The following RBFOX3 variants were observed in gnomAD, a reference collection of about 807,000 sequenced individuals.
RBFOX3 encodes RNA binding fox-1 homolog 3.
In RBFOX3, 17 loss-of-function variants were observed where a neutral mutation model predicts 48.7. The ratio of observed to expected loss-of-function variants is 0.35; its 90% CI spans 0.24 to 0.52. The LOEUF (loss-of-function observed/expected upper bound fraction) is 0.52. Among genes scored for constraint, RBFOX3 ranks in the 20% least tolerant of loss-of-function variants. The probability of loss-of-function intolerance (pLI) is 0.94; values close to 1 mark genes in which losing one functional copy is unlikely to be tolerated. For synonymous variants in RBFOX3, 212 were observed against 209.5 expected (o/e 1.01, Z -0.10); for missense variants, 382 against 497.5 (o/e 0.77, Z 2.21).
In RBFOX3 at chr17:79,576,885, A is replaced by G. The variant is rs969960092; in HGVS notation, c.-320+33941T>C. On this transcript the variant is annotated intron_variant, in intron 1 of 14. Coordinates refer to ENST00000693108, the MANE Select transcript of RBFOX3 (RefSeq NM_001350451.2). ...AACCCTGACTGATACAGGTGCCCAC[A>G]GCTCTGGTCCCAGACACTTGTAGTC... Among the ~76,000 whole-genome samples the G allele has an allele frequency of 9.8e-4, 150 of 152,312 alleles. 1 individual carries two copies. Among genetic ancestry groups the G allele is most frequent in the Non-Finnish European group, 1.7e-3 (117 of 68,016 alleles).
rs79699507 is a variant in RBFOX3 at position 79,258,643 on chromosome 17, G to A, written c.-73-22838C>T. On this transcript the variant is annotated intron_variant, in intron 3 of 14. Coordinates refer to ENST00000693108, the MANE Select transcript of RBFOX3 (RefSeq NM_001350451.2). Reference sequence around the variant, plus strand: ...GCCAAGGGAGGGTGGGACAGGGAACGTGGCGAAGTTCTTCTCAGGTGCACC... The same window carrying A: ...GCCAAGGGAGGGTGGGACAGGGAACATGGCGAAGTTCTTCTCAGGTGCACC... 8.5e-3 allele frequency among the ~76,000 whole-genome samples: 1,290 copies of A among 152,302 alleles called. 14 individuals carry two copies. The highest frequency in any genetic ancestry group is 0.029 in the African/African-American group (1,218 of 41,550).
intron 2 of RBFOX3, among the ~76,000 whole-genome samples, chr17:79,312,403 C>A (rs2076979915): frequency 6.6e-6 from 1 of 151,996 alleles, no homozygotes; most frequent in Non-Finnish European, 1.5e-5. Context: ...GGGCTGTGGT[C>A]TGAGCACTTT....
intron 1 of RBFOX3, among the ~76,000 whole-genome samples, chr17:79,531,605 G>A (rs1191902630): frequency 6.6e-6 from 1 of 152,146 alleles, no homozygotes; most frequent in Admixed American, 6.5e-5. Context: ...AAGTAAAAAG[G>A]TGATGGGCCC....
the RBFOX3 span, among the ~76,000 whole-genome samples, chr17:79,623,520 G>A: frequency 6.6e-6 from 1 of 152,126 alleles, no homozygotes; most frequent in Non-Finnish European, 1.5e-5. Context: ...GTCCTTAAAA[G>A]TGGAAGAGGA....
chr17:79,537,834 C>T (rs2089071882), intron 1 of RBFOX3, among the ~76,000 whole-genome samples: 1 of 152,170 alleles, frequency 6.6e-6, no homozygotes, highest in Non-Finnish European at 1.5e-5. Flanking sequence ...GTCACTGTCT[C>T]TCCTACACCA....
At chr17:79,500,597 G>T (rs959484527) in intron 1 of RBFOX3, among the ~76,000 whole-genome samples, 1 of 152,130 alleles carries the variant, frequency 6.6e-6, no homozygotes, top group African/African-American at 2.4e-5. Flanking sequence ...ATAGTTTGTC[G>T]TGCAGTAATA....
In RBFOX3 at chr17:79,097,181, C is replaced by A. The variant is rs7214424; in HGVS notation, c.755+111G>T. The A allele has an allele frequency of 3.3e-4, 301 of 922,040 alleles. 1 individual carries two copies. The highest frequency in any genetic ancestry group is 1.0e-3 in the Middle Eastern group (3 of 2,902). The allele number at this position is 922,040 out of a possible 1,614,324, so 57.1% of individuals were successfully genotyped here. On this transcript the variant is annotated intron_variant, in intron 11 of 14. Coordinates refer to ENST00000693108, the MANE Select transcript of RBFOX3 (RefSeq NM_001350451.2). ...TGGGGCTCCCACGATCCTCCCCCCC[C>A]CCAGGTCTGGAAAGGCTGCCTAGCC...
the RBFOX3 span, among the ~76,000 whole-genome samples, chr17:79,630,863 AG>A: frequency 6.6e-6 from 1 of 152,140 alleles, no homozygotes; most frequent in African/African-American, 2.4e-5. Flanking sequence ...TGAGAGTCTA[AG>A]TGACCCAGAC....
chr17:79,469,153 C>T (rs936238951), intron 2 of RBFOX3, among the ~76,000 whole-genome samples: 1 of 152,092 alleles, frequency 6.6e-6, no homozygotes, highest in Non-Finnish European at 1.5e-5. Flanking sequence ...GAAAAAACCC[C>T]TATATTTTCC....
In RBFOX3 at chr17:79,356,348, G is replaced by GTGTTTTTTTTTTTTT; in HGVS notation, c.-174-48525_-174-48524insAAAAAAAAAAAAACA. Among the ~76,000 whole-genome samples the GTGTTTTTTTTTTTTT allele has an allele frequency of 4.2e-5, 2 of 47,330 alleles. 1 individual carries two copies. Among genetic ancestry groups the GTGTTTTTTTTTTTTT allele is most frequent in the Admixed American group, 5.5e-4 (2 of 3,606 alleles). The allele number at this position is 47,330 out of a possible 152,430, so 31.1% of individuals were successfully genotyped here. A position where few individuals can be genotyped will look rare whatever the true frequency, so the allele number is the denominator to read the frequency against. On this transcript the variant is annotated intron_variant, in intron 2 of 14. Transcript: ENST00000693108. ...ACTTTTTCACTTTTAAAACAGGGAA[G>GTGTTTTTTTTTTTTT]TTTTTTTTTTTTTTTTTTTTTTTTT...
At chr17:79,660,122 G>T in the RBFOX3 span, among the ~76,000 whole-genome samples, 2,860 of 152,254 alleles carry the variant, frequency 0.019, 96 homozygotes, top group African/African-American at 0.065. Context: ...GGAAGGCAGA[G>T]GTTGCAGTAA....
chr17:79,368,585 T>C (rs1355027139), intron 2 of RBFOX3, among the ~76,000 whole-genome samples: 2 of 152,282 alleles, frequency 1.3e-5, no homozygotes, highest in East Asian at 3.9e-4. Flanking sequence ...GGTGACCTCA[T>C]GTTGCCATGA....
intron 1 of RBFOX3, among the ~76,000 whole-genome samples, chr17:79,522,667 C>T (rs1477402807): frequency 6.6e-6 from 1 of 151,980 alleles, no homozygotes; most frequent in Admixed American, 6.6e-5. Flanking sequence ...TGGTGGCTCA[C>T]GCCTGTAAAC....
At chr17:79,532,192 G>A (rs75304578) in intron 1 of RBFOX3, among the ~76,000 whole-genome samples, 16,440 of 150,662 alleles carry the variant, frequency 0.11, 1,394 homozygotes, top group African/African-American at 0.24. Context: ...GTGAATAACT[G>A]CACTGGAGGG....
At chr17:79,501,492 G>A (rs974417664) in intron 1 of RBFOX3, among the ~76,000 whole-genome samples, 7 of 152,138 alleles carry the variant, frequency 4.6e-5, no homozygotes, top group East Asian at 1.9e-4. Context: ...TTTTGTTCCC[G>A]AGTCCCACCC....
At chr17:79,633,232 C>T in the RBFOX3 span, among the ~76,000 whole-genome samples, 2 of 152,258 alleles carry the variant, frequency 1.3e-5, no homozygotes, top group African/African-American at 4.8e-5. Flanking sequence ...TAAGACTCAG[C>T]CACCTGGGGC....
chr17:79,470,654 G>A (rs1244332938), intron 2 of RBFOX3, among the ~76,000 whole-genome samples: 1 of 151,694 alleles, frequency 6.6e-6, no homozygotes, highest in Non-Finnish European at 1.5e-5. Context: ...CACAGCCCAC[G>A]CATGTGCCTC....
intron 2 of RBFOX3, among the ~76,000 whole-genome samples, chr17:79,387,306 AC>A (rs2060687252): frequency 6.6e-6 from 1 of 152,214 alleles, no homozygotes; most frequent in South Asian, 2.1e-4. Context: ...TCACAAAAAA[AC>A]CCCAGCATCC....
intron 1 of RBFOX3, among the ~76,000 whole-genome samples, chr17:79,564,174 T>C (rs1355335453): frequency 7.9e-5 from 12 of 152,208 alleles, no homozygotes; most frequent in Admixed American, 7.9e-4. Flanking sequence ...CATCCTGCTC[T>C]CCCCGAAGCC....
Sources: gnomAD v4.1 joint callset for allele counts (sites outside exome capture counted in the v4.1 genomes callset) on GRCh38, gnomAD v4.1.1 for gene constraint, MANE v1.5 for transcripts, NCBI Gene and HGNC (gene_info 2026-07-23, HGNC 2026-07-21) for gene names.